Variants in MRC1 observed in about 807,000 individuals in gnomAD.
MRC1 encodes mannose receptor C-type 1.
MRC1 carries 62 observed loss-of-function variants against 102.9 expected under a neutral mutation model. That is an observed-to-expected ratio of 0.60 (90% CI 0.49 to 0.74). The LOEUF is 0.74. Among genes scored for constraint, MRC1 ranks in the 30% least tolerant of loss-of-function variants. The pLI is 0.00. For synonymous variants in MRC1, 457 were observed against 298.4 expected (o/e 1.53, Z -5.48); for missense variants, 1,237 against 862.8 (o/e 1.43, Z -5.43).
intron 17 of MRC1, among the ~76,000 whole-genome samples, chr10:17,876,812 G>C (rs1287473687): frequency 3.3e-5 from 5 of 152,026 alleles, no homozygotes. Flanking sequence ...TGATACCATT[G>C]ATATACCTAT....
intron 24 of MRC1, among the ~76,000 whole-genome samples, chr10:17,900,511 C>A (rs989289446): frequency 1.3e-5 from 2 of 152,020 alleles, no homozygotes; most frequent in Non-Finnish European, 2.9e-5. Context: ...GGGAGTTTCA[C>A]GGAATAAGAG....
chr10:17,844,892 T>C (rs1838802307), intron 5 of MRC1, among the ~76,000 whole-genome samples: 1 of 152,214 alleles, frequency 6.6e-6, no homozygotes, highest in Non-Finnish European at 1.5e-5. Flanking sequence ...TCCATGTTGC[T>C]GCAAAGGACA....
intron 1 of MRC1, among the ~76,000 whole-genome samples, chr10:17,815,736 C>T (rs1466967609): frequency 2.0e-5 from 3 of 152,152 alleles, no homozygotes; most frequent in Non-Finnish European, 2.9e-5. Context: ...CAGTAGTTTC[C>T]CTGAATATTT....
intron 20 of MRC1, 62 bp downstream of exon 20, chr10:17,880,732 C>T: frequency 1.3e-6 from 1 of 777,954 alleles, no homozygotes; most frequent in South Asian, 1.4e-5. Flanking sequence ...GCAAATCTTT[C>T]AGCTCAAAGT....
chr10:17,859,930 A>T lies in MRC1; in HGVS notation c.1519-1457A>T, dbSNP rs1005397236. Among the ~76,000 whole-genome samples, 178 of 152,272 alleles carry T rather than the reference A, an allele frequency of 1.2e-3. 1 individual carries two copies. Among genetic ancestry groups the T allele is most frequent in the African/African-American group, 4.0e-3 (165 of 41,564 alleles). On this transcript the variant is annotated intron_variant, in intron 9 of 29. Transcript: ENST00000569591. ...CAGAACCCCAGGTAGATGACAAGAC[A>T]CTGTCATTTCCTGCTTCTGTGGGCA... is the stretch of plus-strand genomic sequence containing the variant.
chr10:17,847,219 C>T (rs1208071736), intron 6 of MRC1, among the ~76,000 whole-genome samples: 1 of 152,120 alleles, frequency 6.6e-6, no homozygotes, highest in Non-Finnish European at 1.5e-5. Context: ...TTCCATGTTG[C>T]CAAAGAGGAG....
intron 26 of MRC1, among the ~76,000 whole-genome samples, chr10:17,905,629 C>T (rs1354323125): frequency 6.6e-6 from 1 of 151,482 alleles, no homozygotes; most frequent in Non-Finnish European, 1.5e-5. Context: ...AAATATGAGT[C>T]ATAAATATTT....
At chr10:17,887,411 AAAAC>A (rs1334482081) in intron 22 of MRC1, among the ~76,000 whole-genome samples, 10 of 152,202 alleles carry the variant, frequency 6.6e-5, no homozygotes, top group East Asian at 3.9e-4. Flanking sequence ...AAAACAAAAC[AAAAC>A]AAACAAACAA....
intron 15 of MRC1, 97 bp downstream of exon 15, chr10:17,872,223 TAAC>T: frequency 1.3e-6 from 1 of 775,560 alleles, no homozygotes. Context: ...ACAAACAAAA[TAAC>T]AAAATCAGGA....
intron 22 of MRC1, among the ~76,000 whole-genome samples, chr10:17,890,350 G>T (rs1166037310): frequency 6.6e-6 from 1 of 152,206 alleles, no homozygotes; most frequent in South Asian, 2.1e-4. Flanking sequence ...CTGGATCTGT[G>T]ATTTGCTGTC....
rs1012389703 is a variant in MRC1 at position 17,908,529 on chromosome 10, C to A, written c.4079-777C>A. ...GCTTCTCTAACTGTTCTAAGACACACCACATCCTCTGGTACAATGTTGGAG... is the reference window on the plus strand; with the variant it reads ...GCTTCTCTAACTGTTCTAAGACACAACACATCCTCTGGTACAATGTTGGAG... On this transcript the variant is annotated intron_variant, in intron 28 of 29. Transcript: ENST00000569591. Among the ~76,000 whole-genome samples the A allele has an allele frequency of 2.6e-5, 4 of 152,074 alleles. No individual in the cohort carries two copies. In the South Asian group the frequency reaches 6.3e-4, roughly 24 times the overall value.
At chr10:17,834,707 C>T (rs557468854) in intron 4 of MRC1, among the ~76,000 whole-genome samples, 17,478 of 152,138 alleles carry the variant, frequency 0.11, 1,245 homozygotes, top group East Asian at 0.18. Context: ...AGCCACCGTG[C>T]CTGGCCAATG....
intron 17 of MRC1, among the ~76,000 whole-genome samples, chr10:17,876,157 A>G (rs944761390): frequency 7.0e-4 from 107 of 152,330 alleles, no homozygotes; most frequent in African/African-American, 2.5e-3. Context: ...GGTCAAGGTA[A>G]AGATGGGAAT....
chr10:17,825,834 G>T (rs925517554), intron 2 of MRC1, among the ~76,000 whole-genome samples: 5 of 152,176 alleles, frequency 3.3e-5, no homozygotes, highest in African/African-American at 1.2e-4. Context: ...ACCCCAAGGT[G>T]GTCTTGACTG....
intron 4 of MRC1, among the ~76,000 whole-genome samples, chr10:17,835,143 C>T (rs1838643624): frequency 6.6e-6 from 1 of 152,216 alleles, no homozygotes; most frequent in Admixed American, 6.5e-5. Flanking sequence ...TTCTCACCCT[C>T]ACATCTTTTC....
intron 21 of MRC1, 29 bp from the exon 22 acceptor site, chr10:17,885,240 T>C: frequency 1.3e-6 from 1 of 780,722 alleles, no homozygotes; most frequent in South Asian, 1.3e-5. Context: ...TCTCAAAGTT[T>C]AAAATTATAT....
intron 1 of MRC1, among the ~76,000 whole-genome samples, chr10:17,817,015 G>C (rs909827160): frequency 6.6e-6 from 1 of 151,814 alleles, no homozygotes; most frequent in African/African-American, 2.4e-5. Flanking sequence ...TGGGAGGCCG[G>C]GGCAGGTGGA....
intron 1 of MRC1, among the ~76,000 whole-genome samples, chr10:17,822,525 G>A (rs1234990566): frequency 3.9e-5 from 6 of 152,194 alleles, no homozygotes; most frequent in Non-Finnish European, 8.8e-5. Flanking sequence ...GGAGGCTGAG[G>A]CAGGAAGATC....
intron 3 of MRC1, among the ~76,000 whole-genome samples, chr10:17,831,401 G>A (rs1224900182): frequency 6.6e-6 from 1 of 151,276 alleles, no homozygotes; most frequent in East Asian, 1.9e-4. Flanking sequence ...TAATGATTTT[G>A]TAGTTAAAGC....
Sources: allele counts gnomAD v4.1 joint callset (sites outside exome capture counted in the v4.1 genomes callset), GRCh38; gene constraint gnomAD v4.1.1; transcripts MANE v1.5; gene names NCBI Gene and HGNC (gene_info 2026-07-23, HGNC 2026-07-21).